GAREM1: variants seen among roughly 807,000 people sequenced by gnomAD.
GAREM1 encodes the protein GRB2 associated regulator of MAPK1 subtype 1, also known as GRB2-associated and regulator of MAPK protein 1.
Under a neutral mutation model 71.3 loss-of-function variants are expected in GAREM1, and 26 were observed. The observed-to-expected ratio is 0.36, with a 90% CI of 0.27 to 0.51. The LOEUF is 0.51. Among genes scored for constraint, GAREM1 ranks in the 20% least tolerant of loss-of-function variants. The pLI is 0.95. For missense variants in GAREM1, 1,026 were observed against 1,103.1 expected, an observed-to-expected ratio of 0.93 and a Z score of 0.99; for synonymous variants, 440 against 433.2, an observed-to-expected ratio of 1.02 and a Z score of -0.20.
At chr18:32,273,312 C>G (rs952732844) in intron 4 of GAREM1, among the ~76,000 whole-genome samples, 1 of 152,152 alleles carries the variant, frequency 6.6e-6, no homozygotes, top group Non-Finnish European at 1.5e-5. Flanking sequence ...TTATAATATG[C>G]TCAGATGTCA....
At chr18:32,320,376 C>G (rs2047417414) in intron 2 of GAREM1, among the ~76,000 whole-genome samples, 1 of 152,094 alleles carries the variant, frequency 6.6e-6, no homozygotes, top group Non-Finnish European at 1.5e-5. Context: ...ACTTGAAATT[C>G]TACAACATGG....
intron 1 of GAREM1, among the ~76,000 whole-genome samples, chr18:32,393,399 A>AT (rs2048221979): frequency 6.6e-6 from 1 of 152,200 alleles, no homozygotes; most frequent in African/African-American, 2.4e-5. Flanking sequence ...GTAATAAGAT[A>AT]ACTTTAGGAG....
intron 1 of GAREM1, among the ~76,000 whole-genome samples, chr18:32,460,483 A>G (rs963492421): frequency 6.6e-6 from 1 of 152,238 alleles, no homozygotes; most frequent in African/African-American, 2.4e-5. Flanking sequence ...TTGTAAAGCA[A>G]TTCATCCACA....
At chr18:32,423,358 T>C (rs1362082623) in intron 1 of GAREM1, among the ~76,000 whole-genome samples, 1 of 152,240 alleles carries the variant, frequency 6.6e-6, no homozygotes, top group Non-Finnish European at 1.5e-5. Flanking sequence ...GTTTACACTA[T>C]GTTTTAGTTT....
At chr18:32,364,004 ATATATATATATATATATATATATGT>A (rs2047894788) in intron 2 of GAREM1, among the ~76,000 whole-genome samples, 2 of 39,502 alleles carry the variant, frequency 5.1e-5, no homozygotes, top group African/African-American at 3.1e-4. Flanking sequence ...ACATATATAT[ATATATATATATATATATATATATGT>A]TTTTTTTTTT....
intron 2 of GAREM1, among the ~76,000 whole-genome samples, chr18:32,364,021 T>TATATATATATATAC (rs2047900898): frequency 2.8e-5 from 2 of 71,902 alleles, no homozygotes; most frequent in Non-Finnish European, 5.0e-5. Flanking sequence ...TATATATATA[T>TATATATATATATAC]ATATATGTTT....
At chr18:32,393,802 G>A (rs993513109) in intron 1 of GAREM1, among the ~76,000 whole-genome samples, 7 of 152,088 alleles carry the variant, frequency 4.6e-5, no homozygotes, top group Non-Finnish European at 1.0e-4. Context: ...TTCATTTCCT[G>A]AAACTTAAAA....
At chr18:32,343,256 G>A (rs16963169) in intron 2 of GAREM1, among the ~76,000 whole-genome samples, 16,919 of 150,620 alleles carry the variant, frequency 0.11, 1,898 homozygotes, top group African/African-American at 0.29. Context: ...AAAAAGCACC[G>A]TCACTGAGAA....
chr18:32,268,782 A>C lies in GAREM1; in HGVS notation c.1734-14T>G. On this transcript the variant is annotated splice_polypyrimidine_tract_variant and intron_variant, in intron 5 of 5. Transcript: ENST00000269209. ...TTAGTGACGCTGCTTAAAAGCAAACACAGAAGGAGAAATCAGTTAAAAGAA... is the reference window on the plus strand; with the variant it reads ...TTAGTGACGCTGCTTAAAAGCAAACCCAGAAGGAGAAATCAGTTAAAAGAA... 1.2e-6 allele frequency: 2 copies of C among 1,603,080 alleles called. No individual in the cohort carries two copies. Among genetic ancestry groups the C allele is most frequent in the Non-Finnish European group, 1.7e-6 (2 of 1,173,638 alleles).
intron 2 of GAREM1, among the ~76,000 whole-genome samples, chr18:32,349,646 GAAT>G (rs1567974587): frequency 1.3e-5 from 2 of 152,144 alleles, no homozygotes; most frequent in Non-Finnish European, 2.9e-5. Flanking sequence ...CTAAATGAGA[GAAT>G]ACTATTAATA....
intron 2 of GAREM1, among the ~76,000 whole-genome samples, chr18:32,362,335 A>T (rs2047873460): frequency 6.6e-6 from 1 of 152,202 alleles, no homozygotes; most frequent in Non-Finnish European, 1.5e-5. Context: ...TCTTTTGTAA[A>T]GACCTTTATG....
At chr18:32,424,868 T>C (rs995258758) in intron 1 of GAREM1, among the ~76,000 whole-genome samples, 18 of 152,126 alleles carry the variant, frequency 1.2e-4, no homozygotes, top group African/African-American at 4.3e-4. Flanking sequence ...TCTCAGTAAA[T>C]GAAACAGAAC....
At chr18:32,452,806 T>C (rs2048851965) in intron 1 of GAREM1, among the ~76,000 whole-genome samples, 1 of 151,946 alleles carries the variant, frequency 6.6e-6, no homozygotes, top group South Asian at 2.1e-4. Flanking sequence ...GGGGAAACTG[T>C]TACTTTGAGG....
intron 1 of GAREM1, among the ~76,000 whole-genome samples, chr18:32,421,649 G>C (rs975914844): frequency 2.0e-5 from 3 of 152,146 alleles, no homozygotes; most frequent in Admixed American, 2.0e-4. Context: ...GACAGCTCCA[G>C]GGTCTATCTC....
At chr18:32,451,489 G>A (rs1486593628) in intron 1 of GAREM1, among the ~76,000 whole-genome samples, 1 of 152,080 alleles carries the variant, frequency 6.6e-6, no homozygotes, top group African/African-American at 2.4e-5. Flanking sequence ...TAGTACCCAA[G>A]TCAGTAACCT....
chr18:32,308,666 T>G (rs1484325837), intron 3 of GAREM1, among the ~76,000 whole-genome samples: 2 of 150,184 alleles, frequency 1.3e-5, no homozygotes, highest in African/African-American at 4.9e-5. Context: ...TTTGCACAAG[T>G]TTTCACTGTA....
chr18:32,364,020 A>ATTTTTTTT (rs1333086760), intron 2 of GAREM1, among the ~76,000 whole-genome samples: 1 of 49,544 alleles, frequency 2.0e-5, no homozygotes, highest in African/African-American at 1.5e-4. Context: ...ATATATATAT[A>ATTTTTTTT]TATATATGTT....
At chr18:32,348,686 G>A (rs1311187009) in intron 2 of GAREM1, among the ~76,000 whole-genome samples, 1 of 152,142 alleles carries the variant, frequency 6.6e-6, no homozygotes, top group Non-Finnish European at 1.5e-5. Flanking sequence ...TCGTGCCACT[G>A]CACTCCAGCC....
chr18:32,399,597 T>C (rs984749604), intron 1 of GAREM1, among the ~76,000 whole-genome samples: 2 of 152,056 alleles, frequency 1.3e-5, no homozygotes, highest in South Asian at 2.1e-4. Flanking sequence ...ATAAAATACC[T>C]AGGAATCCAA....
Sources: allele counts gnomAD v4.1 joint callset (sites outside exome capture counted in the v4.1 genomes callset), GRCh38; gene constraint gnomAD v4.1.1; transcripts MANE v1.5; gene names NCBI Gene and HGNC (gene_info 2026-07-23, HGNC 2026-07-21).